Variants in ZNF469 observed in about 807,000 individuals in gnomAD.
ZNF469 encodes zinc finger protein 469.
In ZNF469, 1 loss-of-function variant was observed where a neutral mutation model predicts 1.0. That is an observed-to-expected ratio of 1.00 (90% CI 0.35 to 4.73). The LOEUF (loss-of-function observed/expected upper bound fraction) is 4.73. Ranked by LOEUF, ZNF469 falls within the 30% of genes most tolerant of loss-of-function variation. ZNF469 has a pLI of 0.16. For synonymous variants in ZNF469, 2,703 were observed against 2,363.4 expected (o/e 1.14, Z -4.17); for missense variants, 6,100 against 5,356.3 (o/e 1.14, Z -4.33).
chr16:88,393,083 G>A (rs535888149), intron 1 of ZNF469, among the ~76,000 whole-genome samples: 4 of 152,268 alleles, frequency 2.6e-5, no homozygotes, highest in East Asian at 3.8e-4. Context: ...ACATCTGGCC[G>A]CAGGGCCTGG....
Position 88,436,715 on chromosome 16 carries a change from C to T in ZNF469, c.9245C>T (p.Ala3082Val), listed in dbSNP as rs1015869921. 1.4e-5 allele frequency: 21 copies of T among 1,549,042 alleles called. No individual in the cohort carries two copies. Among genetic ancestry groups the T allele is most frequent in the Admixed American group, 1.2e-4 (6 of 50,948 alleles). ...GPSFLDFEGT[A>V]SSQGPQSRRT... ...AGCTTCTTAGACTTCGAGGGCACGG[C>T]GAGCTCACAGGGGCCACAGAGCCGA... Residue 3082 changes from alanine to valine, a missense_variant, in exon 3 of 3, where the codon GCG (alanine) becomes GTG (valine). Coordinates refer to ENST00000565624, the MANE Select transcript of ZNF469 (RefSeq NM_001367624.2).
chr16:88,335,940 CACTA>C, the ZNF469 span, among the ~76,000 whole-genome samples: 1 of 152,086 alleles, frequency 6.6e-6, no homozygotes, highest in Non-Finnish European at 1.5e-5. Flanking sequence ...TCTCGTGAGA[CACTA>C]ACATGCCAAT....
the ZNF469 span, among the ~76,000 whole-genome samples, chr16:88,236,148 A>T: frequency 3.3e-5 from 5 of 152,380 alleles, no homozygotes; most frequent in East Asian, 9.6e-4. Context: ...AATGTCTCCT[A>T]TTGAGACCTT....
intron 1 of ZNF469, among the ~76,000 whole-genome samples, chr16:88,396,894 T>TCCTGAAGGGAGGCCGGGA (rs1904690651): frequency 7.5e-5 from 5 of 66,938 alleles, no homozygotes; most frequent in Non-Finnish European, 8.8e-5. Context: ...GGAGGCCGGG[T>TCCTGAAGGGAGGCCGGGA]GGAGACCCTC....
chr16:88,381,399 C>G (rs1321483101), upstream of ZNF469, among the ~76,000 whole-genome samples: 1 of 151,524 alleles, frequency 6.6e-6, no homozygotes, highest in Admixed American at 6.6e-5. Flanking sequence ...CACACACACG[C>G]ACTCACACAC....
intron 1 of ZNF469, among the ~76,000 whole-genome samples, chr16:88,408,928 G>C (rs1221320451): frequency 6.6e-6 from 1 of 152,292 alleles, no homozygotes; most frequent in African/African-American, 2.4e-5. Context: ...GAAGCGGGGA[G>C]GGAGGGGCTT....
chr16:88,300,006 C>A, the ZNF469 span, among the ~76,000 whole-genome samples: 1 of 152,146 alleles, frequency 6.6e-6, no homozygotes, highest in Non-Finnish European at 1.5e-5. Flanking sequence ...ATGGAGGCAG[C>A]GCACGGCACG....
intron 1 of ZNF469, among the ~76,000 whole-genome samples, chr16:88,401,717 GGAT>G: frequency 3.5e-5 from 1 of 28,270 alleles, no homozygotes; most frequent in South Asian, 6.7e-4. Context: ...ATGGGTAGAT[GGAT>G]GGGTGGATGG....
chr16:88,307,877 T>C, the ZNF469 span, among the ~76,000 whole-genome samples: 3 of 152,240 alleles, frequency 2.0e-5, no homozygotes, highest in Admixed American at 6.5e-5. Flanking sequence ...TTGTCATTTG[T>C]GCTTTTGGTG....
chr16:88,305,325 C>A, the ZNF469 span, among the ~76,000 whole-genome samples: 1 of 147,422 alleles, frequency 6.8e-6, no homozygotes, highest in South Asian at 2.2e-4. Context: ...CACACACAGG[C>A]ACACACGCAC....
At chr16:88,104,138 C>T in the ZNF469 span, among the ~76,000 whole-genome samples, 6 of 151,088 alleles carry the variant, frequency 4.0e-5, no homozygotes, top group Non-Finnish European at 5.9e-5. Context: ...AAAATTGGGA[C>T]ATCAGAGAGG....
At chr16:88,325,216 G>T in the ZNF469 span, among the ~76,000 whole-genome samples, 1 of 141,218 alleles carries the variant, frequency 7.1e-6, no homozygotes, top group Non-Finnish European at 1.5e-5. Context: ...GACAGCAGCT[G>T]TGACATACAC....
At chr16:88,312,201 T>G in the ZNF469 span, among the ~76,000 whole-genome samples, 9 of 152,158 alleles carry the variant, frequency 5.9e-5, no homozygotes, top group Admixed American at 5.9e-4. Context: ...ATCTCCCACC[T>G]GGTCCCTCCC....
chr16:88,123,686 G>A, the ZNF469 span, among the ~76,000 whole-genome samples: 47 of 152,226 alleles, frequency 3.1e-4, no homozygotes, highest in Admixed American at 7.2e-4. Flanking sequence ...GATGGGTTGC[G>A]TATTATAATT....
At chr16:88,240,883 C>T in the ZNF469 span, among the ~76,000 whole-genome samples, 1,112 of 152,230 alleles carry the variant, frequency 7.3e-3, 14 homozygotes, top group African/African-American at 0.026. Context: ...CAGCCTGCAC[C>T]GCCAGCCCTC....
At chr16:88,162,363 CAA>C in the ZNF469 span, among the ~76,000 whole-genome samples, 3,462 of 124,086 alleles carry the variant, frequency 0.028, 100 homozygotes, top group African/African-American at 0.074. Context: ...AGACATTCTT[CAA>C]AAAAAAAAAA....
chr16:88,241,898 C>T, the ZNF469 span, among the ~76,000 whole-genome samples: 1 of 152,202 alleles, frequency 6.6e-6, no homozygotes, highest in Non-Finnish European at 1.5e-5. The surrounding 1 kb of genome is among the most constrained non-coding windows in gnomAD (Gnocchi z 4.8). Flanking sequence ...AAGGGCTCCT[C>T]CCGGAGTTCT....
chr16:88,131,655 C>T, the ZNF469 span, among the ~76,000 whole-genome samples: 2,204 of 146,262 alleles, frequency 0.015, no homozygotes, highest in African/African-American at 0.054. Flanking sequence ...CAGGCTGGGG[C>T]GCTCCTGGAC....
In ZNF469 at chr16:88,439,295, G is replaced by A. The variant is rs1301590202; in HGVS notation, c.11825G>A (p.Gly3942Asp). ...CAGCTCTTCGGGCAGAGACTAACTG[G>A]CTTCAAAATCCCTTTAAAGAAAGAT... ...LSQLFGQRLT[G>D]FKIPLKKDAS... The change falls in exon 3 of 3, where the codon GGC becomes GAC. Residue 3942 changes from glycine to aspartate, a missense_variant. By Grantham distance (94) the Gly-to-Asp change is moderately conservative. Coordinates refer to ENST00000565624, the MANE Select transcript of ZNF469 (RefSeq NM_001367624.2). 7 of 1,550,306 alleles carry A rather than the reference G, an allele frequency of 4.5e-6. No homozygotes were observed. The highest frequency in any genetic ancestry group is 1.4e-5 in the African/African-American group (1 of 73,080).
Sources: gnomAD v4.1 joint callset for allele counts (sites outside exome capture counted in the v4.1 genomes callset) on GRCh38, gnomAD v4.1.1 for gene constraint, Gnocchi (gnomAD v3.1) non-coding constraint, MANE v1.5 for transcripts, NCBI Gene and HGNC (gene_info 2026-07-23, HGNC 2026-07-21) for gene names.